Variants in VWC2L observed in about 807,000 individuals in gnomAD.
The protein encoded by VWC2L is von Willebrand factor C domain containing 2 like, also known as von Willebrand factor C domain-containing protein 2-like.
In VWC2L, 10 loss-of-function variants were observed where a neutral mutation model predicts 21.6. That is an observed-to-expected ratio of 0.46 (90% confidence interval 0.29 to 0.78). The LOEUF (loss-of-function observed/expected upper bound fraction) is 0.78. VWC2L is among the 30% of genes least tolerant of loss of function. The pLI is 0.10. For synonymous variants in VWC2L, 96 were observed against 94.3 expected (o/e 1.02, Z -0.10); for missense variants, 209 against 277.1 (o/e 0.75, Z 1.74).
chr2:214,494,967 T>C (rs1182918748), intron 3 of VWC2L, among the ~76,000 whole-genome samples: 1 of 152,164 alleles, frequency 6.6e-6, no homozygotes, highest in Non-Finnish European at 1.5e-5. Flanking sequence ...TTTGCATTAC[T>C]TTGATTGTTC....
At chr2:214,447,801 C>A (rs1011540657) in intron 3 of VWC2L, among the ~76,000 whole-genome samples, 1 of 152,108 alleles carries the variant, frequency 6.6e-6, no homozygotes, top group Admixed American at 6.6e-5. Flanking sequence ...TCCGTCTAAA[C>A]CTTCTTGGGC....
chr2:214,418,230 TA>T (rs1164337672), intron 2 of VWC2L, among the ~76,000 whole-genome samples: 1 of 152,176 alleles, frequency 6.6e-6, no homozygotes, highest in Non-Finnish European at 1.5e-5. Context: ...ACAAGAACAG[TA>T]ACTGTTGTCT....
rs1324371246 is a variant in VWC2L at position 214,576,509 on chromosome 2, T to C, written c.*689T>C. 1 of 152,144 alleles carries C rather than the reference T, an allele frequency of 6.6e-6. No individual in the cohort carries two copies. The highest frequency in any genetic ancestry group is 1.5e-5 in the Non-Finnish European group (1 of 68,026). 9.4% of individuals were successfully genotyped at this position (152,144 alleles called of 1,614,324 possible). On this transcript the variant is annotated 3_prime_UTR_variant, in exon 4 of 4. Coordinates refer to ENST00000312504, the MANE Select transcript of VWC2L (RefSeq NM_001080500.4). ...ATTCTTACAAACCACACATTTCATA[T>C]GGAAAACCTCGAAACTGCCAATCAA...
intron 3 of VWC2L, among the ~76,000 whole-genome samples, chr2:214,522,345 A>T (rs905510031): frequency 3.5e-4 from 48 of 137,898 alleles, no homozygotes; most frequent in African/African-American, 1.2e-3. Context: ...ACTGCACTCC[A>T]GGCTGGGGGA....
chr2:214,456,225 T>C (rs1345356958), intron 3 of VWC2L, among the ~76,000 whole-genome samples: 3 of 152,162 alleles, frequency 2.0e-5, no homozygotes. Flanking sequence ...TCTTTGATAA[T>C]AGCATTTCTA....
chr2:214,444,730 G>A (rs1008976172), intron 3 of VWC2L, among the ~76,000 whole-genome samples: 2 of 151,972 alleles, frequency 1.3e-5, no homozygotes, highest in Admixed American at 1.3e-4. Context: ...ACCCATGTGT[G>A]TATTACAATT....
At chr2:214,563,609 T>A (rs1415674833) in intron 3 of VWC2L, among the ~76,000 whole-genome samples, 1 of 149,082 alleles carries the variant, frequency 6.7e-6, no homozygotes, top group Non-Finnish European at 1.5e-5. Context: ...TGAAGCCTTA[T>A]TTCTGAGTTC....
intron 3 of VWC2L, among the ~76,000 whole-genome samples, chr2:214,566,372 C>T (rs1690062164): frequency 6.6e-6 from 1 of 152,146 alleles, no homozygotes; most frequent in Admixed American, 6.6e-5. Context: ...TTCCTCTCTT[C>T]ACGCCAGCCC....
intron 3 of VWC2L, among the ~76,000 whole-genome samples, chr2:214,438,881 A>T (rs1404760403): frequency 6.6e-6 from 1 of 152,052 alleles, no homozygotes; most frequent in Non-Finnish European, 1.5e-5. Context: ...TACACAAGGT[A>T]TGTTAAGTTT....
chr2:214,572,926 T>C, intron 3 of VWC2L, among the ~76,000 whole-genome samples: 1 of 152,174 alleles, frequency 6.6e-6, no homozygotes, highest in South Asian at 2.1e-4. Context: ...CGTGCAAAGA[T>C]CTTTCTTTGC....
chr2:214,456,325 T>C (rs762502182), intron 3 of VWC2L, among the ~76,000 whole-genome samples: 7 of 152,172 alleles, frequency 4.6e-5, no homozygotes, highest in African/African-American at 7.2e-5. Context: ...CTGTTGGCTA[T>C]TGGCATGTCT....
At chr2:214,421,595 T>C (rs1231999071) in intron 2 of VWC2L, among the ~76,000 whole-genome samples, 1 of 152,054 alleles carries the variant, frequency 6.6e-6, no homozygotes, top group Non-Finnish European at 1.5e-5. Context: ...CAGCCACATC[T>C]GAGATTTGCG....
At chr2:214,501,316 G>C (rs889229984) in intron 3 of VWC2L, among the ~76,000 whole-genome samples, 3 of 152,202 alleles carry the variant, frequency 2.0e-5, no homozygotes, top group Non-Finnish European at 4.4e-5. Flanking sequence ...TAGGAAGGAA[G>C]TGTTCTCTCC....
intron 3 of VWC2L, among the ~76,000 whole-genome samples, chr2:214,496,900 G>C (rs577284007): frequency 2.0e-5 from 3 of 152,176 alleles, no homozygotes; most frequent in Admixed American, 2.0e-4. Flanking sequence ...TATTTGTCAT[G>C]GTCCTTCATA....
intron 3 of VWC2L, among the ~76,000 whole-genome samples, chr2:214,527,321 T>C (rs990692074): frequency 6.6e-6 from 1 of 152,110 alleles, no homozygotes. Context: ...GACAGGATCA[T>C]TTGTATCCTA....
chr2:214,570,394 C>T (rs767519810), intron 3 of VWC2L, among the ~76,000 whole-genome samples: 3 of 152,188 alleles, frequency 2.0e-5, no homozygotes, highest in Admixed American at 1.3e-4. Flanking sequence ...GATAGGGTCT[C>T]ACTTTGTCAC....
intron 3 of VWC2L, among the ~76,000 whole-genome samples, chr2:214,562,611 A>C (rs1157197673): frequency 6.6e-6 from 1 of 152,212 alleles, no homozygotes; most frequent in East Asian, 1.9e-4. Flanking sequence ...TTCCACCAAC[A>C]GAAGTAAAAC....
rs903903260 is a variant in VWC2L, at chr2:214,456,631, G to A, written c.520+19873G>A. Among the ~76,000 whole-genome samples, 18 of 152,040 alleles carry A rather than the reference G, an allele frequency of 1.2e-4. 1 individual carries two copies. The highest frequency in any genetic ancestry group is 5.8e-4 in the East Asian group (3 of 5,180). ...TTTTTGTTGCCTGTACTTTTGAGGCGTTAGCCATAAAATATTTTCCTAGAC... is the reference window on the plus strand; with the variant it reads ...TTTTTGTTGCCTGTACTTTTGAGGCATTAGCCATAAAATATTTTCCTAGAC... On this transcript the variant is annotated intron_variant, in intron 3 of 3. Transcript: ENST00000312504.
At chr2:214,436,856 G>T in intron 3 of VWC2L, 98 bp downstream of exon 3, 1 of 1,430,464 alleles carries the variant, frequency 7.0e-7, no homozygotes, top group African/African-American at 1.4e-5. Flanking sequence ...TCTAAGATCT[G>T]CCTGTGGCTT....
Sources: gnomAD v4.1 joint callset for allele counts (sites outside exome capture counted in the v4.1 genomes callset) on GRCh38, gnomAD v4.1.1 for gene constraint, MANE v1.5 for transcripts, NCBI Gene and HGNC (gene_info 2026-07-23, HGNC 2026-07-21) for gene names.